The following LINGO2 variants were observed in gnomAD, a reference collection of about 807,000 sequenced individuals.
LINGO2 encodes leucine rich repeat and Ig domain containing 2.
Under a neutral mutation model 30.6 loss-of-function variants are expected in LINGO2, and 14 were observed. That is an observed-to-expected ratio of 0.46 (90% confidence interval 0.30 to 0.72). The LOEUF (loss-of-function observed/expected upper bound fraction) is 0.72. LINGO2 is among the 30% of genes least tolerant of loss of function. LINGO2 has a pLI of 0.07. For missense variants in LINGO2, 729 were observed against 751.7 expected (o/e 0.97, Z 0.35); for synonymous variants, 317 against 288.5 (o/e 1.10, Z -1.00).
intron 1 of LINGO2, among the ~76,000 whole-genome samples, chr9:28,638,652 G>T (rs1343966552): frequency 6.6e-6 from 1 of 152,050 alleles, no homozygotes; most frequent in Admixed American, 6.6e-5. Context: ...ATTTCTGTGG[G>T]ATCGGCGGTG....
chr9:29,119,347 A>G, the LINGO2 span, among the ~76,000 whole-genome samples: 6 of 146,944 alleles, frequency 4.1e-5, no homozygotes, highest in Admixed American at 4.1e-4. Context: ...CAGCACACAT[A>G]TGCATGCACG....
chr9:28,200,979 T>G (rs889252250), intron 4 of LINGO2, among the ~76,000 whole-genome samples: 1 of 151,064 alleles, frequency 6.6e-6, no homozygotes, highest in Admixed American at 6.6e-5. Flanking sequence ...CTTTAATTAC[T>G]GGGCTGACAG....
At chr9:29,041,549 G>A in the LINGO2 span, among the ~76,000 whole-genome samples, 4 of 151,898 alleles carry the variant, frequency 2.6e-5, no homozygotes, top group Non-Finnish European at 2.9e-5. Context: ...ATGGACAGAT[G>A]GGTAACCAGA....
chr9:28,695,342 T>A, the LINGO2 span, among the ~76,000 whole-genome samples: 1 of 151,934 alleles, frequency 6.6e-6, no homozygotes, highest in Non-Finnish European at 1.5e-5. Flanking sequence ...AATGATAATA[T>A]CCAGTTTGGT....
the LINGO2 span, among the ~76,000 whole-genome samples, chr9:29,098,988 G>A: frequency 6.6e-6 from 1 of 152,068 alleles, no homozygotes; most frequent in Admixed American, 6.5e-5. Context: ...TTATACTTCA[G>A]AGCTATAGTA....
the LINGO2 span, among the ~76,000 whole-genome samples, chr9:28,846,922 A>G: frequency 7.2e-6 from 1 of 138,916 alleles, no homozygotes; most frequent in Non-Finnish European, 1.6e-5. Flanking sequence ...ATCAAGAGTG[A>G]AGGAAAAAAA....
At chr9:28,330,306 A>G (rs1487927626) in intron 3 of LINGO2, among the ~76,000 whole-genome samples, 3 of 152,144 alleles carry the variant, frequency 2.0e-5, no homozygotes, top group Non-Finnish European at 4.4e-5. Flanking sequence ...CACTCAGTCT[A>G]TGGATTTTGT....
chr9:29,064,688 T>TA, the LINGO2 span, among the ~76,000 whole-genome samples: 37 of 152,202 alleles, frequency 2.4e-4, no homozygotes, highest in South Asian at 4.8e-3. Flanking sequence ...TATGATATTA[T>TA]GCTTTTTAGT....
At chr9:28,052,783 A>G (rs1824736528) in intron 4 of LINGO2, among the ~76,000 whole-genome samples, 1 of 152,104 alleles carries the variant, frequency 6.6e-6, no homozygotes, top group Admixed American at 6.6e-5. Context: ...GAGACATCTT[A>G]GTTCTCAAGT....
Position 28,586,031 on chromosome 9 carries a change from G to GTTT in LINGO2, c.-365+84166_-365+84168dup, listed in dbSNP as rs34131183. ...GCTTTTCCACCTGTACATTAATTTT[G>GTTT]TTTTTTTTTGTGCATTTCAGAATAT... On this transcript the variant is annotated intron_variant, in intron 1 of 5. Coordinates refer to ENST00000379992, the Ensembl canonical transcript of LINGO2. 1.1e-4 allele frequency among the ~76,000 whole-genome samples: 16 copies of GTTT among 149,820 alleles called. No homozygotes were observed. In the East Asian group the frequency reaches 2.8e-3, roughly 26 times the overall value.
intron 5 of LINGO2, among the ~76,000 whole-genome samples, chr9:27,974,816 G>A (rs887363353): frequency 9.2e-5 from 14 of 152,062 alleles, no homozygotes; most frequent in African/African-American, 3.4e-4. Flanking sequence ...AGAAAGAAAG[G>A]GTCGACAGGG....
At chr9:28,554,494 T>C (rs1339006559) in intron 1 of LINGO2, among the ~76,000 whole-genome samples, 6 of 147,832 alleles carry the variant, frequency 4.1e-5, no homozygotes, top group Middle Eastern at 6.9e-3. Context: ...CCCAGACTCA[T>C]AAAGCAAGTC....
chr9:28,661,490 G>A (rs1828583128), intron 1 of LINGO2, among the ~76,000 whole-genome samples: 1 of 152,054 alleles, frequency 6.6e-6, no homozygotes, highest in Non-Finnish European at 1.5e-5. Context: ...GTAAGTTTGG[G>A]GGTTAATCAA....
At chr9:28,069,455 G>A (rs1222720472) in intron 4 of LINGO2, among the ~76,000 whole-genome samples, 1 of 152,104 alleles carries the variant, frequency 6.6e-6, no homozygotes, top group Non-Finnish European at 1.5e-5. Flanking sequence ...ATAACCTAAA[G>A]CCAAACAGAA....
intron 1 of LINGO2, among the ~76,000 whole-genome samples, chr9:28,627,381 A>G (rs1826728478): frequency 6.6e-6 from 1 of 151,962 alleles, no homozygotes; most frequent in South Asian, 2.1e-4. Flanking sequence ...AAGTCCAGGG[A>G]CCCCTATGTA....
At position 28,552,870 on chromosome 9, in the gene LINGO2, C is replaced by G. The variant is rs1822380610; in HGVS notation, c.-364-76845G>C. Among the ~76,000 whole-genome samples the G allele has an allele frequency of 2.0e-5, 3 of 148,246 alleles. No homozygotes were observed. The South Asian group carries it at 6.5e-4, about 32-fold the overall frequency. ...CATTGTATTTTTCCATTTACACTAT[C>G]TTAGTTTCCAACATTAAAAAAAAAA... On this transcript the variant is annotated intron_variant, in intron 1 of 5. Transcript: ENST00000379992.
At chr9:28,588,645 A>G (rs148992609) in intron 1 of LINGO2, among the ~76,000 whole-genome samples, 2 of 149,710 alleles carry the variant, frequency 1.3e-5, no homozygotes, top group Non-Finnish European at 3.0e-5. Flanking sequence ...GTGGGCATGG[A>G]GAATTGAACC....
chr9:29,058,426 G>A, the LINGO2 span, among the ~76,000 whole-genome samples: 1 of 152,104 alleles, frequency 6.6e-6, no homozygotes, highest in Non-Finnish European at 1.5e-5. Context: ...ACACCTGGAA[G>A]TAAAAAGTAC....
chr9:29,067,349 C>T, the LINGO2 span, among the ~76,000 whole-genome samples: 4 of 151,502 alleles, frequency 2.6e-5, no homozygotes, highest in Non-Finnish European at 4.4e-5. Flanking sequence ...ATTCCCCATA[C>T]TGAAGAGGCT....
Sources: allele counts gnomAD v4.1 joint callset (sites outside exome capture counted in the v4.1 genomes callset), GRCh38; gene constraint gnomAD v4.1.1; transcripts MANE v1.5; gene names NCBI Gene and HGNC (gene_info 2026-07-23, HGNC 2026-07-21).